MAP4K4: variants seen among roughly 807,000 people sequenced by gnomAD.
MAP4K4 encodes mitogen-activated protein kinase kinase kinase kinase 4, also known as HPK/GCK-like kinase HGK.
Under a neutral mutation model 189.6 loss-of-function variants are expected in MAP4K4, and 38 were observed. The observed-to-expected ratio is 0.20, with a 90% CI of 0.15 to 0.26. The LOEUF (loss-of-function observed/expected upper bound fraction) is 0.26, where lower values mean the gene tolerates loss of function less well. MAP4K4 is among the 10% of genes least tolerant of loss of function. The probability of loss-of-function intolerance (pLI) is 1.00; values close to 1 mark genes in which losing one functional copy is unlikely to be tolerated. For synonymous variants in MAP4K4, 610 were observed against 624.3 expected (o/e 0.98, Z 0.34); for missense variants, 1,054 against 1,726.9 (o/e 0.61, Z 6.91).
At chr2:101,698,632 C>A in intron 2 of MAP4K4, 94 bp downstream of exon 2, 1 of 1,265,532 alleles carries the variant, frequency 7.9e-7, no homozygotes, top group Non-Finnish European at 1.1e-6. Context: ...TGACTGGAGG[C>A]CACGCCGCTT....
At chr2:101,857,945 T>C (rs2097528028) in intron 13 of MAP4K4, among the ~76,000 whole-genome samples, 1 of 152,200 alleles carries the variant, frequency 6.6e-6, no homozygotes, top group African/African-American at 2.4e-5. Context: ...CAGGATAAAA[T>C]GTCTCCTCGT....
chr2:101,780,329 A>G (rs1270478178), intron 2 of MAP4K4, among the ~76,000 whole-genome samples: 1 of 152,152 alleles, frequency 6.6e-6, no homozygotes, highest in African/African-American at 2.4e-5. Context: ...CAATGAGAAG[A>G]GTTCAGTTTG....
chr2:101,698,171 G>GGGCAGCGGGCAGCC (rs2035422101), intron 1 of MAP4K4, 34 bp downstream of exon 1: 1 of 958,362 alleles, frequency 1.0e-6, no homozygotes, highest in African/African-American at 1.8e-5. Flanking sequence ...CGCGGGGAGC[G>GGGCAGCGGGCAGCC]GGCAGCCGGC....
intron 9 of MAP4K4, among the ~76,000 whole-genome samples, chr2:101,839,326 A>G (rs1192522512): frequency 3.3e-5 from 5 of 152,202 alleles, no homozygotes; most frequent in African/African-American, 4.8e-5. Context: ...TGACAAATCA[A>G]CCAGTTTGGA....
intron 2 of MAP4K4, among the ~76,000 whole-genome samples, chr2:101,729,101 A>AGTGAGAGTGTGTGT (rs1553512774): frequency 7.7e-6 from 1 of 130,504 alleles, no homozygotes; most frequent in Non-Finnish European, 1.6e-5. Context: ...AGAGAGAGAG[A>AGTGAGAGTGTGTGT]GTGTGTGTGT....
At position 101,790,689 on chromosome 2, in the gene MAP4K4, T is replaced by A. The variant is rs1359566612; in HGVS notation, c.124-31T>A. The A allele has an allele frequency of 1.9e-6, 3 of 1,564,446 alleles. 1 individual carries two copies. The Admixed American group carries it at 5.3e-5, about 28-fold the overall frequency. On this transcript the variant is annotated intron_variant, in intron 2 of 32. Coordinates refer to ENST00000324219, the Ensembl canonical transcript of MAP4K4. ...AATGATTGTGCAAAAAAATTGGTGC[T>A]GATTTTTGATCTATTTTTTCTGTTT...
chr2:101,700,968 G>T (rs1482759699), intron 2 of MAP4K4, among the ~76,000 whole-genome samples: 2 of 152,032 alleles, frequency 1.3e-5, no homozygotes, highest in African/African-American at 2.4e-5. Context: ...TGATTTGCTT[G>T]TGGTAGATTT....
chr2:101,714,090 A>G (rs1357644690), intron 2 of MAP4K4, among the ~76,000 whole-genome samples: 2 of 152,238 alleles, frequency 1.3e-5, no homozygotes, highest in Non-Finnish European at 2.9e-5. Context: ...CATTGCTTCA[A>G]GGAACAGTGG....
chr2:101,706,974 G>C (rs902923660), intron 2 of MAP4K4, among the ~76,000 whole-genome samples: 6 of 152,126 alleles, frequency 3.9e-5, no homozygotes, highest in Non-Finnish European at 8.8e-5. Context: ...ATGTGAGGCA[G>C]TTACCAGACT....
At chr2:101,747,882 C>CT (rs1458733251) in intron 2 of MAP4K4, among the ~76,000 whole-genome samples, 1 of 152,172 alleles carries the variant, frequency 6.6e-6, no homozygotes, top group African/African-American at 2.4e-5. Context: ...ACTGCTTATA[C>CT]TTTTTGGCAC....
At chr2:101,872,865 T>C (rs976716337) in intron 24 of MAP4K4, among the ~76,000 whole-genome samples, 3 of 152,220 alleles carry the variant, frequency 2.0e-5, no homozygotes, top group Non-Finnish European at 2.9e-5. Context: ...TTCCTTATAT[T>C]TATATTTTAA....
chr2:101,742,693 T>C (rs1216081616), intron 2 of MAP4K4, among the ~76,000 whole-genome samples: 2 of 152,304 alleles, frequency 1.3e-5, no homozygotes, highest in East Asian at 1.9e-4. Context: ...TCACAAGCCT[T>C]CTTTCTGCAG....
chr2:101,878,398 G>A (rs1330377202), intron 27 of MAP4K4, among the ~76,000 whole-genome samples: 1 of 152,184 alleles, frequency 6.6e-6, no homozygotes, highest in Non-Finnish European at 1.5e-5. Flanking sequence ...CCTCTTTCCT[G>A]AAGTTAGGGT....
chr2:101,845,980 A>G (rs2097097000), intron 12 of MAP4K4, among the ~76,000 whole-genome samples: 1 of 152,200 alleles, frequency 6.6e-6, no homozygotes, highest in South Asian at 2.1e-4. Context: ...TTGGCATGGA[A>G]TCTTTCATTC....
At chr2:101,814,128 A>G (rs911257374) in intron 3 of MAP4K4, among the ~76,000 whole-genome samples, 1 of 152,170 alleles carries the variant, frequency 6.6e-6, no homozygotes, top group Non-Finnish European at 1.5e-5. Flanking sequence ...TTAGGTGAGA[A>G]GCTGTGAGAA....
chr2:101,867,184 T>A, intron 19 of MAP4K4, 28 bp from the exon 20 acceptor site: 5 of 1,429,310 alleles, frequency 3.5e-6, no homozygotes, highest in Non-Finnish European at 4.9e-6. Flanking sequence ...TATGTGTCTG[T>A]CCATCTTGTC....
intron 32 of MAP4K4, among the ~76,000 whole-genome samples, chr2:101,889,447 C>A (rs925545176): frequency 7.9e-5 from 12 of 152,112 alleles, no homozygotes; most frequent in Non-Finnish European, 1.6e-4. Flanking sequence ...ACCAGAGACC[C>A]CATGGCATGA....
At chr2:101,730,533 G>A (rs183490829) in intron 2 of MAP4K4, among the ~76,000 whole-genome samples, 3 of 152,276 alleles carry the variant, frequency 2.0e-5, no homozygotes, top group South Asian at 2.1e-4. Flanking sequence ...CTATTGTCCC[G>A]TGGGTCTCTA....
intron 3 of MAP4K4, among the ~76,000 whole-genome samples, chr2:101,811,996 C>T (rs566571185): frequency 6.6e-6 from 1 of 152,216 alleles, no homozygotes; most frequent in East Asian, 1.9e-4. Context: ...TTGTCTTTAT[C>T]TCTGTAAGTC....
Sources: allele counts gnomAD v4.1 joint callset (sites outside exome capture counted in the v4.1 genomes callset), GRCh38; gene constraint gnomAD v4.1.1; transcripts MANE v1.5; gene names NCBI Gene and HGNC (gene_info 2026-07-23, HGNC 2026-07-21).